Variants in IPO8 observed in about 807,000 individuals in gnomAD.
IPO8 encodes importin 8.
In IPO8, 65 loss-of-function variants were observed where a neutral mutation model predicts 141.2. The observed-to-expected ratio is 0.46, with a 90% CI of 0.38 to 0.57. The LOEUF is 0.57. Ranked by LOEUF, IPO8 falls within the 20% of genes least tolerant of loss-of-function variation. IPO8 has a pLI of 0.00. For missense variants in IPO8, 980 were observed against 1,246.8 expected (o/e 0.79, Z 3.22); for synonymous variants, 411 against 420.3 (o/e 0.98, Z 0.27).
At chr12:30,674,595 GA>G in intron 7 of IPO8, 63 bp downstream of exon 7, 1 of 1,201,658 alleles carries the variant, frequency 8.3e-7, no homozygotes, top group Non-Finnish European at 1.2e-6. Flanking sequence ...TCTAAAGACA[GA>G]TAATCATATC....
chr12:30,631,814 G>C, intron 24 of IPO8, 81 bp downstream of exon 24: 1 of 806,436 alleles, frequency 1.2e-6, no homozygotes, highest in Non-Finnish European at 2.1e-6. Flanking sequence ...ACAGTGTTTA[G>C]GTGCCACCTG....
intron 16 of IPO8, 114 bp from the exon 17 acceptor site, chr12:30,656,864 C>A: frequency 2.1e-6 from 1 of 485,198 alleles, no homozygotes; most frequent in Non-Finnish European, 3.6e-6. Context: ...CTTGACAATT[C>A]TAAACTTCAT....
intron 17 of IPO8, among the ~76,000 whole-genome samples, chr12:30,654,514 C>T (rs1273139399): frequency 6.6e-6 from 1 of 151,746 alleles, no homozygotes; most frequent in African/African-American, 2.4e-5. Context: ...GGAACTCAAA[C>T]CATTCAGTAG....
chr12:30,677,190 G>C lies in IPO8; in HGVS notation c.640-603C>G, dbSNP rs182800556. ...TCTAACTGGAAAAAATGTATATAAAGTCATGCACCACATAACAAATGTTTC... is the reference window on the plus strand; with the variant it reads ...TCTAACTGGAAAAAATGTATATAAACTCATGCACCACATAACAAATGTTTC... On this transcript the variant is annotated intron_variant, in intron 5 of 24. Transcript: ENST00000256079. The C allele has an allele frequency of 3.8e-5, 28 of 744,636 alleles. No homozygotes were observed. In the East Asian group the frequency reaches 1.0e-3, roughly 27 times the overall value. 46.1% of individuals were successfully genotyped at this position (744,636 alleles called of 1,614,324 possible). A position where few individuals can be genotyped will look rare whatever the true frequency, so the allele number is the denominator to read the frequency against.
chr12:30,676,557 G>T lies in IPO8; in HGVS notation c.670C>A (p.Gln224Lys). The change falls in exon 6 of 25, where the codon CAA becomes AAA. Residue 224 changes from glutamine (Q) to lysine (K), a missense_variant. Around this residue, in one of 3 missense-constraint regions of IPO8, gnomAD observed 924 missense variants for 1,153.9 expected, o/e 0.80. Coordinates refer to ENST00000256079, the MANE Select transcript of IPO8 (RefSeq NM_006390.4). ...YALPLQLVNN[Q>K]TMTTWMEIFR... Reference sequence around the variant, plus strand: ...ATCTCCATCCATGTTGTCATGGTTTGGTTATTCACTAGCTGAAGAGGCAAT... The same window carrying T: ...ATCTCCATCCATGTTGTCATGGTTTTGTTATTCACTAGCTGAAGAGGCAAT... The T allele has an allele frequency of 6.2e-7, 1 of 1,612,928 alleles. No homozygotes were observed. Among genetic ancestry groups the T allele is most frequent in the South Asian group, 1.1e-5 (1 of 91,048 alleles).
At chr12:30,644,402 A>G (rs1027119705) in intron 20 of IPO8, among the ~76,000 whole-genome samples, 1 of 148,342 alleles carries the variant, frequency 6.7e-6, no homozygotes, top group African/African-American at 2.5e-5. Context: ...AATAAATATC[A>G]GTAAAACTTT....
At chr12:30,662,616 G>C in intron 14 of IPO8, 129 bp from the exon 15 acceptor site, 1 of 713,892 alleles carries the variant, frequency 1.4e-6, no homozygotes, top group Non-Finnish European at 2.5e-6. Flanking sequence ...CACTTGCTCT[G>C]TGGTAAGTTA....
rs1221813972 is a variant in IPO8 at position 30,661,348 on chromosome 12, T to A, written c.1756-82A>T. ...TACAAAAGTTAGCAAAATGGCAGTG[T>A]CACACATCTGAAGTCTGCATTGCTC... On this transcript the variant is annotated intron_variant, in intron 15 of 24. Transcript: ENST00000256079. 3.0e-6 allele frequency: 4 copies of A among 1,324,260 alleles called. No individual in the cohort carries two copies. In the African/African-American group the frequency reaches 6.0e-5, roughly 20 times the overall value. The allele number at this position is 1,324,260 out of a possible 1,614,324, so 82.0% of individuals were successfully genotyped here.
rs148594265 is a variant in IPO8, at chr12:30,631,020, G to C, written c.3017-63C>G. 4.3e-4 allele frequency: 549 copies of C among 1,278,474 alleles called. 5 individuals are homozygous for C. The African/African-American group carries it at 7.5e-3, about 17-fold the overall frequency. The allele number at this position is 1,278,474 out of a possible 1,614,324, so 79.2% of individuals were successfully genotyped here. On this transcript the variant is annotated intron_variant, in intron 24 of 24. Coordinates refer to ENST00000256079, the MANE Select transcript of IPO8 (RefSeq NM_006390.4). ...AAGAATGCTTAAGGTGACAAAGTTG[G>C]AGATGACTCAAAGGAGCCAGATTCT...
intron 20 of IPO8, 103 bp from the exon 21 acceptor site, chr12:30,639,838 T>C (rs778253760): frequency 8.1e-5 from 61 of 757,578 alleles, no homozygotes; most frequent in Non-Finnish European, 1.3e-4. Flanking sequence ...ACAGTCTTAA[T>C]GGCAATGAGA....
chr12:30,646,311 C>G (rs2052645869), intron 20 of IPO8, among the ~76,000 whole-genome samples: 1 of 152,162 alleles, frequency 6.6e-6, no homozygotes, highest in African/African-American at 2.4e-5. Context: ...AACACCCTTT[C>G]ATGATAAAAG....
intron 2 of IPO8, among the ~76,000 whole-genome samples, chr12:30,687,638 A>G (rs2136174898): frequency 6.6e-6 from 1 of 152,264 alleles, no homozygotes; most frequent in Middle Eastern, 3.4e-3. Flanking sequence ...CAATTCTATC[A>G]AAACAATATT....
chr12:30,676,746 G>A (rs780047390), intron 5 of IPO8, 159 bp from the exon 6 acceptor site: 10 of 744,818 alleles, frequency 1.3e-5, no homozygotes, highest in African/African-American at 5.3e-5. Context: ...AGATTCATAC[G>A]ACCATATAGA....
intron 5 of IPO8, chr12:30,677,284 G>A (rs963260118): frequency 2.6e-5 from 10 of 377,692 alleles, no homozygotes; most frequent in Admixed American, 6.8e-5. Flanking sequence ...GATTCTTATC[G>A]CCTAGTGACA....
intron 23 of IPO8, among the ~76,000 whole-genome samples, chr12:30,632,251 T>A (rs2289300): frequency 0.53 from 80,469 of 151,920 alleles, 21,736 homozygotes; most frequent in African/African-American, 0.61. Context: ...ATCTCTAGTC[T>A]GCCTAGTTCT....
chr12:30,695,131 TG>T lies in IPO8; in HGVS notation c.84+432del, dbSNP rs1227566703. ...CGACAGGAGGAGGCGGTGGGCAGCG[TG>T]CTCCACAGCAACACCTAAAAAGGGC... On this transcript the variant is annotated intron_variant, in intron 1 of 24. Transcript: ENST00000256079. The surrounding 1 kb of genome is among the most constrained non-coding windows in gnomAD (Gnocchi z 4.2). 7.1e-6 allele frequency: 3 copies of T among 423,826 alleles called. No homozygotes were observed. Among genetic ancestry groups the T allele is most frequent in the African/African-American group, 6.2e-5 (3 of 48,678 alleles). The allele number at this position is 423,826 out of a possible 1,614,324, so 26.3% of individuals were successfully genotyped here.
chr12:30,686,859 T>G (rs7295575), intron 2 of IPO8, among the ~76,000 whole-genome samples: 34,727 of 151,782 alleles, frequency 0.23, 4,164 homozygotes, highest in Middle Eastern at 0.3. Context: ...AAAATTATGG[T>G]GCATCAAACG....
chr12:30,637,002 T>C lies in IPO8; in HGVS notation c.2675A>G (p.Lys892Arg). The C allele has an allele frequency of 6.2e-7, 1 of 1,613,972 alleles. No homozygotes were observed. Among genetic ancestry groups the C allele is most frequent in the South Asian group, 1.1e-5 (1 of 91,082 alleles). Residue 892 changes from lysine to arginine, a missense_variant, in exon 22 of 25, where the codon AAA becomes AGA. By Grantham distance (26) the Lys-to-Arg change is conservative. Coordinates refer to ENST00000256079, the MANE Select transcript of IPO8 (RefSeq NM_006390.4). The stretch of plus-strand genomic sequence containing the variant: ...TTTACCATTTTCTTCCATATCAGCT[T>C]TCTCTGCTTTTGAACGATCTTCCCG... Reference protein sequence around the residue: ...VNREDRSKAEKADMEENEEIS... With the variant: ...VNREDRSKAERADMEENEEIS...
Position 30,656,763 on chromosome 12 carries a change from G to A in IPO8, c.1882-13C>T, listed in dbSNP as rs762407312. ...ACTGCTGGGTAATCTAAAGATAAAT[G>A]TTAAATATTAAGCTTAAAATTATCA... On this transcript the variant is annotated splice_polypyrimidine_tract_variant and intron_variant, in intron 16 of 24. Transcript: ENST00000256079. The A allele has an allele frequency of 3.0e-6, 4 of 1,326,658 alleles. No individual in the cohort carries two copies. The African/African-American group carries it at 4.5e-5, about 15-fold the overall frequency. 82.2% of individuals were successfully genotyped at this position (1,326,658 alleles called of 1,614,324 possible).
Sources: allele counts gnomAD v4.1 joint callset (sites outside exome capture counted in the v4.1 genomes callset), GRCh38; gene constraint gnomAD v4.1.1; regional missense constraint gnomAD v4.1.1; non-coding constraint Gnocchi (gnomAD v3.1); transcripts MANE v1.5; gene names NCBI Gene and HGNC (gene_info 2026-07-23, HGNC 2026-07-21).